AFG1L: variants seen among roughly 807,000 people sequenced by gnomAD.
AFG1L encodes AFG1 like ATPase.
AFG1L carries 53 observed loss-of-function variants against 62.2 expected under a neutral mutation model. The ratio of observed to expected loss-of-function variants is 0.85; its 90% CI spans 0.68 to 1.07. The LOEUF is 1.07. Among genes scored for constraint, AFG1L ranks in the 50% least tolerant of loss-of-function variants. The pLI, the probability that AFG1L is intolerant of heterozygous loss-of-function variation, is 0.00. For synonymous variants in AFG1L, 228 were observed against 210.3 expected, an observed-to-expected ratio of 1.08 and a Z score of -0.73; for missense variants, 555 against 590.5, an observed-to-expected ratio of 0.94 and a Z score of 0.62.
chr6:108,447,326 G>T (rs774100854), intron 8 of AFG1L, 30 bp downstream of exon 8: 2 of 1,236,064 alleles, frequency 1.6e-6, no homozygotes. Flanking sequence ...AAAGTTTAAT[G>T]TCTAATCGTT....
chr6:108,472,014 A>C (rs1772917808), intron 8 of AFG1L, among the ~76,000 whole-genome samples: 1 of 152,180 alleles, frequency 6.6e-6, no homozygotes, highest in African/African-American at 2.4e-5. Flanking sequence ...TTCAACCTTA[A>C]AAAAGGAGAT....
intron 6 of AFG1L, among the ~76,000 whole-genome samples, chr6:108,398,715 C>G (rs1407843484): frequency 6.6e-6 from 1 of 152,086 alleles, no homozygotes; most frequent in Non-Finnish European, 1.5e-5. Context: ...GGTCTTTTCC[C>G]CAGTGTGTAT....
At chr6:108,313,593 G>A (rs796400467) in intron 1 of AFG1L, among the ~76,000 whole-genome samples, 10 of 152,212 alleles carry the variant, frequency 6.6e-5, no homozygotes, top group African/African-American at 2.4e-4. Context: ...GCTGTGGAGT[G>A]CAGTGACATA....
intron 8 of AFG1L, among the ~76,000 whole-genome samples, chr6:108,455,317 T>A (rs1772211505): frequency 6.6e-6 from 1 of 152,174 alleles, no homozygotes; most frequent in Admixed American, 6.5e-5. Context: ...ATAGAACTAT[T>A]CTCTTCACAT....
intron 1 of AFG1L, among the ~76,000 whole-genome samples, chr6:108,314,750 C>A (rs1384937973): frequency 1.3e-5 from 2 of 151,994 alleles, no homozygotes; most frequent in Non-Finnish European, 2.9e-5. Context: ...AAAAGGAAAT[C>A]AAAACAAAAC....
chr6:108,326,186 G>A lies in AFG1L; in HGVS notation c.363+2138G>A, dbSNP rs183909879. Among the ~76,000 whole-genome samples the A allele has an allele frequency of 1.7e-3, 258 of 152,090 alleles. 1 individual carries two copies. Among genetic ancestry groups the A allele is most frequent in the Admixed American group, 0.013 (199 of 15,248 alleles). ...CCTGGGCCCAAGTGATTCTCCTCCC[G>A]CAGCCCCCTGAGTAGGCTAGGGCTA... On this transcript the variant is annotated intron_variant, in intron 2 of 12. Transcript: ENST00000368977.
intron 3 of AFG1L, among the ~76,000 whole-genome samples, chr6:108,350,800 C>A (rs1420606903): frequency 1.3e-5 from 2 of 152,166 alleles, no homozygotes; most frequent in Non-Finnish European, 2.9e-5. Context: ...CCTGGTTTCA[C>A]CTCACCTGTT....
At chr6:108,513,365 G>A (rs949106966) in intron 11 of AFG1L, among the ~76,000 whole-genome samples, 4 of 152,192 alleles carry the variant, frequency 2.6e-5, no homozygotes, top group South Asian at 4.1e-4. Flanking sequence ...CTTTCCTAGC[G>A]AAGGAAAGGG....
intron 7 of AFG1L, among the ~76,000 whole-genome samples, chr6:108,419,726 C>A (rs1770502632): frequency 6.6e-6 from 1 of 151,944 alleles, no homozygotes; most frequent in African/African-American, 2.4e-5. Context: ...TGTTGTGCAT[C>A]CTTTACATAA....
chr6:108,304,404 G>C (rs17069463), intron 1 of AFG1L, among the ~76,000 whole-genome samples: 16,237 of 152,192 alleles, frequency 0.11, 2,450 homozygotes, highest in African/African-American at 0.34. Flanking sequence ...GAACATAATA[G>C]AGCATAAAAT....
At chr6:108,502,568 G>C (rs1264709748) in intron 10 of AFG1L, among the ~76,000 whole-genome samples, 1 of 151,928 alleles carries the variant, frequency 6.6e-6, no homozygotes, top group Non-Finnish European at 1.5e-5. Context: ...TTGAACTCCT[G>C]ACCTCAAGTG....
At chr6:108,434,788 G>A (rs1771231973) in intron 7 of AFG1L, among the ~76,000 whole-genome samples, 1 of 152,172 alleles carries the variant, frequency 6.6e-6, no homozygotes, top group Admixed American at 6.5e-5. Context: ...ACATGCAACT[G>A]AAAGCATCCT....
chr6:108,365,874 G>C (rs559988342), intron 5 of AFG1L, among the ~76,000 whole-genome samples: 4 of 151,842 alleles, frequency 2.6e-5, no homozygotes, highest in Non-Finnish European at 5.9e-5. Flanking sequence ...TTTTGAGGGG[G>C]TGTGGGAAGC....
At chr6:108,485,656 A>ATTTTTTT (rs397842829) in intron 10 of AFG1L, among the ~76,000 whole-genome samples, 1 of 25,032 alleles carries the variant, frequency 4.0e-5, no homozygotes, top group African/African-American at 2.6e-4. Context: ...ATATATATAT[A>ATTTTTTT]TTTTTTTTTT....
chr6:108,422,496 A>G (rs1481377692), intron 7 of AFG1L, among the ~76,000 whole-genome samples: 1 of 148,550 alleles, frequency 6.7e-6, no homozygotes. Context: ...AAAAAAAAAA[A>G]AAAGAAGAAG....
chr6:108,444,118 A>C (rs1046373212), intron 7 of AFG1L, among the ~76,000 whole-genome samples: 4 of 151,618 alleles, frequency 2.6e-5, no homozygotes, highest in Non-Finnish European at 5.9e-5. Context: ...GCACAGGCAT[A>C]CCTTAGAGAT....
chr6:108,434,392 T>A (rs1450686492), intron 7 of AFG1L, among the ~76,000 whole-genome samples: 1 of 152,204 alleles, frequency 6.6e-6, no homozygotes, highest in Non-Finnish European at 1.5e-5. Flanking sequence ...ACTCCAGTTC[T>A]TTGTTGAATG....
At chr6:108,321,822 C>T (rs1777821305) in intron 1 of AFG1L, among the ~76,000 whole-genome samples, 1 of 152,152 alleles carries the variant, frequency 6.6e-6, no homozygotes, top group Admixed American at 6.5e-5. Flanking sequence ...ACAACTTAGG[C>T]TTCTGTAACA....
chr6:108,437,275 C>T (rs2114726718), intron 7 of AFG1L, among the ~76,000 whole-genome samples: 1 of 152,246 alleles, frequency 6.6e-6, no homozygotes, highest in African/African-American at 2.4e-5. Flanking sequence ...TATGCCAGGT[C>T]TTATTATGGG....
Sources: allele counts gnomAD v4.1 joint callset (sites outside exome capture counted in the v4.1 genomes callset), GRCh38; gene constraint gnomAD v4.1.1; transcripts MANE v1.5; gene names NCBI Gene and HGNC (gene_info 2026-07-23, HGNC 2026-07-21).